MASP1: variants seen among roughly 807,000 people sequenced by gnomAD.
The protein encoded by MASP1 is MBL associated serine protease 1, also known as mannan-binding lectin serine protease 1.
Under a neutral mutation model 77.1 loss-of-function variants are expected in MASP1, and 59 were observed. That is an observed-to-expected ratio of 0.77 (90% CI 0.62 to 0.95). The LOEUF (loss-of-function observed/expected upper bound fraction) is 0.95, where lower values mean the gene tolerates loss of function less well. Among genes scored for constraint, MASP1 ranks in the 40% least tolerant of loss-of-function variants. The pLI, the probability that MASP1 is intolerant of heterozygous loss-of-function variation, is 0.00. For missense variants in MASP1, 885 were observed against 912.9 expected (o/e 0.97, Z 0.39); for synonymous variants, 362 against 354.5 (o/e 1.02, Z -0.24).
rs181603414 is a variant in MASP1, at chr3:187,238,180, G to A, written c.1304-1613C>T. 2.5e-3 allele frequency among the ~76,000 whole-genome samples: 376 copies of A among 152,326 alleles called. 6 individuals are homozygous for A. Among genetic ancestry groups the A allele is most frequent in the Admixed American group, 0.024 (370 of 15,308 alleles). ...TTGGTCCATGGTCACAACAAAGCCA[G>A]CATTAAACGCTACCTTTCTCCAACC... is the stretch of plus-strand genomic sequence containing the variant. On this transcript the variant is annotated intron_variant, in intron 10 of 10. Coordinates refer to ENST00000296280, the MANE Select transcript of MASP1 (RefSeq NM_139125.4).
intron 12 of MASP1, chr3:187,225,657 C>T: frequency 1.3e-6 from 1 of 775,728 alleles, no homozygotes; most frequent in Non-Finnish European, 2.2e-6. Flanking sequence ...CCAGACATCC[C>T]ACCCTATTGG....
chr3:187,257,089 C>T (rs1392642223), intron 4 of MASP1, among the ~76,000 whole-genome samples: 1 of 151,966 alleles, frequency 6.6e-6, no homozygotes, highest in Admixed American at 6.6e-5. Context: ...GGCTGTTTAC[C>T]CTGTGTGAAG....
chr3:187,257,464 C>T (rs1031811111), intron 4 of MASP1, among the ~76,000 whole-genome samples: 1 of 152,074 alleles, frequency 6.6e-6, no homozygotes, highest in Non-Finnish European at 1.5e-5. Flanking sequence ...TTCGCCTCCA[C>T]CTCCACCTCC....
chr3:187,220,327 T>C, intron 15 of MASP1: 4 of 1,439,320 alleles, frequency 2.8e-6, no homozygotes, highest in East Asian at 2.3e-5. Context: ...CCTTCTCCCA[T>C]GTATGGGTTG....
At chr3:187,227,011 G>A (rs1712475879) in intron 11 of MASP1, among the ~76,000 whole-genome samples, 1 of 152,224 alleles carries the variant, frequency 6.6e-6, no homozygotes, top group African/African-American at 2.4e-5. Context: ...TAATTTGTAT[G>A]CATATTAAAG....
intron 13 of MASP1, chr3:187,225,269 G>A (rs1712345404): frequency 1.6e-5 from 26 of 1,589,656 alleles, no homozygotes; most frequent in Non-Finnish European, 2.0e-5. Context: ...ACGTGAAGAC[G>A]GACTCCTTGT....
intron 7 of MASP1, 177 bp downstream of exon 7, chr3:187,251,457 A>T: frequency 1.6e-6 from 1 of 610,678 alleles, no homozygotes. Context: ...TCAGAGTGTG[A>T]GACCGCCTGG....
chr3:187,226,293 G>T, intron 12 of MASP1: 11 of 798,040 alleles, frequency 1.4e-5, no homozygotes, highest in South Asian at 1.3e-4. Flanking sequence ...CAGGTGTCCT[G>T]CCCTGACAAA....
intron 12 of MASP1, chr3:187,225,535 CA>C: frequency 6.2e-7 from 1 of 1,612,714 alleles, no homozygotes; most frequent in Non-Finnish European, 8.5e-7. Flanking sequence ...ACATGTGAGG[CA>C]TGGGTGCAAT....
At chr3:187,254,759 A>C (rs576096681) in intron 5 of MASP1, among the ~76,000 whole-genome samples, 2 of 152,050 alleles carry the variant, frequency 1.3e-5, no homozygotes, top group African/African-American at 4.8e-5. Context: ...AGAGAAGGCA[A>C]TAGGCTCTAT....
Position 187,235,819 on chromosome 3 carries a change from C to T in MASP1, c.2052G>A (p.Val684=), listed in dbSNP as rs1285879564. 1 of 1,614,100 alleles carries T rather than the reference C, an allele frequency of 6.2e-7. No individual in the cohort carries two copies. Among genetic ancestry groups the T allele is most frequent in the Non-Finnish European group, 8.5e-7 (1 of 1,180,038 alleles). ...LSQRWVVQGL[V]SWGGPEECGS... is the part of the protein sequence containing the mutation. ...CGCATTCTTCAGGTCCCCCCCAGGA[C>T]ACCAGGCCTTGCACCACCCAGCGCT... is the stretch of plus-strand genomic sequence containing the variant. Residue 684 remains valine (V), a synonymous_variant, in exon 11 of 11, where the codon GTG becomes GTA. Transcript: ENST00000296280.
chr3:187,261,233 A>C (rs151314382), intron 3 of MASP1, among the ~76,000 whole-genome samples: 2 of 152,306 alleles, frequency 1.3e-5, no homozygotes, highest in South Asian at 2.1e-4. Context: ...GTCACATTCT[A>C]TGGAGGATGA....
chr3:187,219,912 T>C (rs1471322124), exon 16 of MASP1: 1 of 725,286 alleles, frequency 1.4e-6, no homozygotes, highest in African/African-American at 1.7e-5. Context: ...TTAAAGAGAG[T>C]GAAAAGGGGG....
At chr3:187,250,423 G>A in intron 7 of MASP1, 94 bp from the exon 8 acceptor site, 8 of 896,052 alleles carry the variant, frequency 8.9e-6, no homozygotes, top group Non-Finnish European at 1.5e-5. Context: ...CTCCACACGT[G>A]TCTTGATCTC....
chr3:187,253,052 G>T, intron 6 of MASP1, 116 bp downstream of exon 6: 2 of 1,354,690 alleles, frequency 1.5e-6, no homozygotes, highest in Non-Finnish European at 2.1e-6. Context: ...CTGCTCAACT[G>T]GGAGTCCCAT....
exon 16 of MASP1, chr3:187,220,066 C>T: frequency 6.2e-7 from 1 of 1,613,218 alleles, no homozygotes; most frequent in South Asian, 1.1e-5. Flanking sequence ...GCTGAGGAGC[C>T]AAATTCAGTT....
chr3:187,219,077 A>G (rs772791655), exon 16 of MASP1: 2 of 152,218 alleles, frequency 1.3e-5, no homozygotes, highest in Non-Finnish European at 2.9e-5. Flanking sequence ...TGCCTGTCCC[A>G]TGTCCTTGGG....
Position 187,285,924 on chromosome 3 carries a change from C to A in MASP1, c.138G>T (p.Val46=). 1 of 1,614,114 alleles carries A rather than the reference C, an allele frequency of 6.2e-7. No homozygotes were observed. The highest frequency in any genetic ancestry group is 8.5e-7 in the Non-Finnish European group (1 of 1,179,962). The change falls in exon 2 of 11, where the codon GTG becomes GTT. Residue 46 remains valine, a synonymous_variant. Coordinates refer to ENST00000296280, the MANE Select transcript of MASP1 (RefSeq NM_139125.4). The part of the protein sequence containing the change: ...YPDSYPSDSE[V]TWNITVPDGF... ...CATCTGGGACAGTGATATTCCAAGT[C>A]ACCTCTGAATCACTGGGATAGGAGT...
intron 9 of MASP1, 78 bp downstream of exon 9, chr3:187,243,406 C>G: frequency 1.4e-6 from 2 of 1,468,792 alleles, no homozygotes; most frequent in Non-Finnish European, 1.9e-6. Flanking sequence ...CCTTTCACAG[C>G]TGTCTCGGCC....
Sources: allele counts gnomAD v4.1 joint callset (sites outside exome capture counted in the v4.1 genomes callset), GRCh38; gene constraint gnomAD v4.1.1; transcripts MANE v1.5; gene names NCBI Gene and HGNC (gene_info 2026-07-23, HGNC 2026-07-21).